Variants in CDS1 observed in about 807,000 individuals in gnomAD.
CDS1 encodes the protein phosphatidate cytidylyltransferase 1.
In CDS1, 41 loss-of-function variants were observed where a neutral mutation model predicts 62.1. That is an observed-to-expected ratio of 0.66 (90% CI 0.51 to 0.86). The LOEUF is 0.86. Among genes scored for constraint, CDS1 ranks in the 40% least tolerant of loss-of-function variants. CDS1 has a pLI of 0.00. For synonymous variants in CDS1, 185 were observed against 192.6 expected, an observed-to-expected ratio of 0.96 and a Z score of 0.32; for missense variants, 470 against 550.1, an observed-to-expected ratio of 0.85 and a Z score of 1.46.
intron 3 of CDS1, among the ~76,000 whole-genome samples, chr4:84,614,923 G>A (rs1425437852): frequency 6.6e-6 from 1 of 152,158 alleles, no homozygotes; most frequent in East Asian, 1.9e-4. Flanking sequence ...AGTGACAGTG[G>A]TGGCAGGTAA....
intron 2 of CDS1, among the ~76,000 whole-genome samples, chr4:84,605,314 T>C (rs1723059466): frequency 6.6e-6 from 1 of 152,208 alleles, no homozygotes; most frequent in African/African-American, 2.4e-5. Context: ...TATTTGATGC[T>C]GTTCTATGTT....
chr4:84,590,580 C>T (rs1438893326), intron 1 of CDS1, among the ~76,000 whole-genome samples: 1 of 152,132 alleles, frequency 6.6e-6, no homozygotes, highest in African/African-American at 2.4e-5. Flanking sequence ...TTGATGCTGT[C>T]ATCCTAAGGA....
At chr4:84,631,798 A>G (rs749953686) in intron 5 of CDS1, 21 bp from the exon 6 acceptor site, 1 of 1,603,802 alleles carries the variant, frequency 6.2e-7, no homozygotes, top group Non-Finnish European at 8.5e-7. Context: ...CAACGAGCAC[A>G]TGTTTTTTGT....
At chr4:84,614,075 T>G (rs987666047) in intron 3 of CDS1, among the ~76,000 whole-genome samples, 3 of 152,194 alleles carry the variant, frequency 2.0e-5, no homozygotes, top group African/African-American at 7.2e-5. Flanking sequence ...AATAATAATG[T>G]GACTAACATT....
chr4:84,631,223 T>C (rs1724009540), intron 5 of CDS1, among the ~76,000 whole-genome samples: 1 of 152,234 alleles, frequency 6.6e-6, no homozygotes, highest in South Asian at 2.1e-4. Flanking sequence ...GTTTATTTTC[T>C]AGCCCTGTGA....
Position 84,623,957 on chromosome 4 carries a change from C to T in CDS1, c.580+4424C>T, listed in dbSNP as rs116405752. 5.3e-3 allele frequency among the ~76,000 whole-genome samples: 805 copies of T among 152,114 alleles called. 11 individuals carry two copies. Among genetic ancestry groups the T allele is most frequent in the African/African-American group, 0.018 (758 of 41,496 alleles). On this transcript the variant is annotated intron_variant, in intron 5 of 12. Coordinates refer to ENST00000295887, the MANE Select transcript of CDS1 (RefSeq NM_001263.4). ...TCTGAATGGGGAGCATGCCAGGAGC[C>T]AGGTGTTTCAAGAGGCCTAAACTAG...
At chr4:84,620,691 T>C (rs2148649316) in intron 5 of CDS1, among the ~76,000 whole-genome samples, 1 of 152,288 alleles carries the variant, frequency 6.6e-6, no homozygotes, top group South Asian at 2.1e-4. Context: ...AAGCAATTGA[T>C]TTTTTTAAAT....
chr4:84,609,987 C>A (rs1452697726), intron 3 of CDS1, among the ~76,000 whole-genome samples: 1 of 150,384 alleles, frequency 6.6e-6, no homozygotes, highest in Non-Finnish European at 1.5e-5. Context: ...TACTGCACTG[C>A]AGCCTGGGCA....
At chr4:84,586,405 G>A (rs1443076981) in intron 1 of CDS1, among the ~76,000 whole-genome samples, 3 of 152,188 alleles carry the variant, frequency 2.0e-5, no homozygotes, top group Admixed American at 6.5e-5. Context: ...TGGGGGTGAT[G>A]GGAGACAGTG....
chr4:84,624,362 G>C (rs900080997), intron 5 of CDS1, among the ~76,000 whole-genome samples: 1 of 151,104 alleles, frequency 6.6e-6, no homozygotes, highest in Admixed American at 6.6e-5. Flanking sequence ...GACTAGAAAG[G>C]AGTATTCCAT....
intron 9 of CDS1, among the ~76,000 whole-genome samples, chr4:84,640,225 C>A (rs1439835062): frequency 6.7e-6 from 1 of 149,840 alleles, no homozygotes; most frequent in Non-Finnish European, 1.5e-5. Flanking sequence ...AGTTTATATT[C>A]ATTCCTAGTG....
At chr4:84,586,078 A>G in intron 1 of CDS1, among the ~76,000 whole-genome samples, 1 of 152,132 alleles carries the variant, frequency 6.6e-6, no homozygotes, top group East Asian at 1.9e-4. Flanking sequence ...TTTTTTCTTG[A>G]ATCAGCATTC....
chr4:84,633,862 A>G lies in CDS1; in HGVS notation c.645A>G (p.Ala215=). 2 of 1,598,730 alleles carry G rather than the reference A, an allele frequency of 1.3e-6. No individual in the cohort carries two copies. The highest frequency in any genetic ancestry group is 8.5e-7 in the Non-Finnish European group (1 of 1,171,420). The change falls in exon 7 of 13, where the codon GCA becomes GCG. Residue 215 remains alanine, a synonymous_variant. Coordinates refer to ENST00000295887, the MANE Select transcript of CDS1 (RefSeq NM_001263.4). ...KHYRLQFYMF[A]WTHVTLLITV... is the part of the protein sequence containing the mutation. ...TATTGTTGGGCTATTAACAGTTCGC[A>G]TGGACTCATGTCACTTTACTGATAA... is the stretch of plus-strand genomic sequence containing the variant.
At chr4:84,592,189 A>C (rs1406290276) in intron 1 of CDS1, among the ~76,000 whole-genome samples, 1 of 108,668 alleles carries the variant, frequency 9.2e-6, no homozygotes, top group Non-Finnish European at 1.7e-5. Flanking sequence ...TTTGAGGCAG[A>C]GTCTCACTCT....
At chr4:84,622,202 T>C (rs1273809794) in intron 5 of CDS1, among the ~76,000 whole-genome samples, 2 of 152,192 alleles carry the variant, frequency 1.3e-5, no homozygotes, top group African/African-American at 4.8e-5. Flanking sequence ...CATTTTGAGT[T>C]TTGATGATAA....
At chr4:84,622,433 A>G (rs1296230212) in intron 5 of CDS1, among the ~76,000 whole-genome samples, 3 of 151,832 alleles carry the variant, frequency 2.0e-5, no homozygotes, top group Non-Finnish European at 4.4e-5. Context: ...TACTAAAAAT[A>G]CAAAAAAAAA....
At chr4:84,613,071 C>A (rs1246162306) in intron 3 of CDS1, among the ~76,000 whole-genome samples, 1 of 150,198 alleles carries the variant, frequency 6.7e-6, no homozygotes, top group Non-Finnish European at 1.5e-5. Flanking sequence ...TTATTACATA[C>A]ACATACATGC....
Position 84,619,391 on chromosome 4 carries a change from T to C in CDS1, c.441-3T>C. On this transcript the variant is annotated splice_polypyrimidine_tract_variant and splice_region_variant and intron_variant, in intron 4 of 12. Transcript: ENST00000295887. ...AGAAAAGCTAATTGTTTTTAAATTATAGGTACTTTCTATTGTGTGTAAACT... is the reference window on the plus strand; with the variant it reads ...AGAAAAGCTAATTGTTTTTAAATTACAGGTACTTTCTATTGTGTGTAAACT... 2 of 1,439,868 alleles carry C rather than the reference T, an allele frequency of 1.4e-6. No individual in the cohort carries two copies. Among genetic ancestry groups the C allele is most frequent in the Non-Finnish European group, 1.9e-6 (2 of 1,062,492 alleles). 89.2% of individuals were successfully genotyped at this position (1,439,868 alleles called of 1,614,324 possible).
rs190048178 is a variant in CDS1, at chr4:84,651,131, C to G, written c.*2445C>G. On this transcript the variant is annotated 3_prime_UTR_variant, in exon 13 of 13. Transcript: ENST00000295887. ...CACTATCTGAGAGTGAAAGACCACA[C>G]ACACCCCTCTTTTTAAAATTATTGT... 3.9e-5 allele frequency: 6 copies of G among 152,292 alleles called. No homozygotes were observed. The East Asian group carries it at 9.6e-4, about 24-fold the overall frequency. The allele number at this position is 152,292 out of a possible 1,614,324, so 9.4% of individuals were successfully genotyped here.
Sources: gnomAD v4.1 joint callset for allele counts (sites outside exome capture counted in the v4.1 genomes callset) on GRCh38, gnomAD v4.1.1 for gene constraint, MANE v1.5 for transcripts, NCBI Gene and HGNC (gene_info 2026-07-23, HGNC 2026-07-21) for gene names.